The following DPP6 variants were observed in gnomAD, a reference collection of about 807,000 sequenced individuals.
DPP6 encodes A-type potassium channel modulatory protein DPP6.
A neutral mutation model predicts 122.6 loss-of-function variants in DPP6; 69 were observed. The ratio of observed to expected loss-of-function variants is 0.56; its 90% CI spans 0.46 to 0.69. The LOEUF (loss-of-function observed/expected upper bound fraction) is 0.69, where lower values mean the gene tolerates loss of function less well. Among genes scored for constraint, DPP6 ranks in the 30% least tolerant of loss-of-function variants. The pLI, the probability that DPP6 is intolerant of heterozygous loss-of-function variation, is 0.00. For missense variants in DPP6, 928 were observed against 1,116.9 expected (o/e 0.83, Z 2.41); for synonymous variants, 418 against 433.1 (o/e 0.97, Z 0.43).
intron 5 of DPP6, among the ~76,000 whole-genome samples, chr7:154,614,462 G>A (rs115817501): frequency 0.015 from 2,278 of 152,232 alleles, 58 homozygotes; most frequent in African/African-American, 0.052. Flanking sequence ...AAATGGAAAG[G>A]TCTCAATCTG....
chr7:154,462,755 C>T (rs891298030), intron 2 of DPP6, among the ~76,000 whole-genome samples: 2 of 151,316 alleles, frequency 1.3e-5, no homozygotes, highest in Non-Finnish European at 2.9e-5. Context: ...ACCCATCAAC[C>T]CGTCATTTAG....
Position 154,812,590 on chromosome 7 carries a change from A to G in DPP6, c.1666+5478A>G, listed in dbSNP as rs557544809. Reference sequence around the variant, plus strand: ...TGACAGAGCTCTCTGGGGCCTCATTATAAGTGCACTAATGCCATTCCCAAG... The same window carrying G: ...TGACAGAGCTCTCTGGGGCCTCATTGTAAGTGCACTAATGCCATTCCCAAG... On this transcript the variant is annotated intron_variant, in intron 16 of 25. Transcript: ENST00000377770. Among the ~76,000 whole-genome samples the G allele has an allele frequency of 1.4e-4, 22 of 152,146 alleles. No individual in the cohort carries two copies. In the East Asian group the frequency reaches 3.9e-3, roughly 27 times the overall value.
rs73487804 is a variant in DPP6, at chr7:154,863,905, C to T, written c.1715-4090C>T. Among the ~76,000 whole-genome samples, 2,232 of 152,204 alleles carry T rather than the reference C, an allele frequency of 0.015. 60 individuals carry two copies. Among genetic ancestry groups the T allele is most frequent in the African/African-American group, 0.052 (2,143 of 41,512 alleles). ...GGGCTCTGGGCCTGAATCTGGTCTT[C>T]GAATATGACTAATGGCCTAGCCCTG... On this transcript the variant is annotated intron_variant, in intron 17 of 25. Coordinates refer to ENST00000377770, the MANE Select transcript of DPP6 (RefSeq NM_130797.4). This position sits in a 1 kb window ranked among gnomAD's most constrained non-coding sequence, Gnocchi z 4.1.
At chr7:154,622,562 C>G (rs749143137) in intron 5 of DPP6, among the ~76,000 whole-genome samples, 4 of 152,118 alleles carry the variant, frequency 2.6e-5, no homozygotes, top group Non-Finnish European at 5.9e-5. Flanking sequence ...AAGAGGTAGC[C>G]AAGGAGACAG....
chr7:154,837,374 TCACACATGCACG>T (rs559775326), intron 16 of DPP6, among the ~76,000 whole-genome samples: 3 of 152,006 alleles, frequency 2.0e-5, no homozygotes, highest in Non-Finnish European at 2.9e-5. Flanking sequence ...ACAGGCACAT[TCACACATGCACG>T]CACACATGCA....
Position 154,486,723 on chromosome 7 carries a change from G to C in DPP6, c.457+11686G>C, listed in dbSNP as rs951065953. On this transcript the variant is annotated intron_variant, in intron 3 of 25. Coordinates refer to ENST00000377770, the MANE Select transcript of DPP6 (RefSeq NM_130797.4). This position sits in a 1 kb window ranked among gnomAD's most constrained non-coding sequence, Gnocchi z 4.5. Reference sequence around the variant, plus strand: ...TTGGGGATGCAGCCCACTTCGCAGAGGCTGGATGCACTTCCTCCGTCTGAA... The same window carrying C: ...TTGGGGATGCAGCCCACTTCGCAGACGCTGGATGCACTTCCTCCGTCTGAA... Among the ~76,000 whole-genome samples, 4 of 152,208 alleles carry C rather than the reference G, an allele frequency of 2.6e-5. No individual in the cohort carries two copies. The highest frequency in any genetic ancestry group is 9.6e-5 in the African/African-American group (4 of 41,460).
chr7:154,024,683 A>T (rs577334085), intron 1 of DPP6, among the ~76,000 whole-genome samples: 1 of 152,250 alleles, frequency 6.6e-6, no homozygotes, highest in African/African-American at 2.4e-5. Context: ...GCATAATGTA[A>T]TTCTTGTTTA....
intron 10 of DPP6, among the ~76,000 whole-genome samples, chr7:154,786,811 C>G (rs1797366945): frequency 6.6e-6 from 1 of 152,088 alleles, no homozygotes; most frequent in Admixed American, 6.5e-5. Context: ...TTTCACTTAT[C>G]ACCGTTTCAT....
At chr7:154,748,535 T>A (rs1843145986) in intron 8 of DPP6, among the ~76,000 whole-genome samples, 1 of 152,166 alleles carries the variant, frequency 6.6e-6, no homozygotes, top group African/African-American at 2.4e-5. Flanking sequence ...AATGGCTTAG[T>A]AATAATGAGA....
the DPP6 span, among the ~76,000 whole-genome samples, chr7:153,785,995 T>TAC: frequency 3.3e-5 from 5 of 152,166 alleles, no homozygotes; most frequent in Non-Finnish European, 7.4e-5. Context: ...AAATATTTGT[T>TAC]ATTTCAAATG....
In DPP6 at chr7:154,648,117, G is replaced by T. The variant is rs28430433; in HGVS notation, c.680+10244G>T. Among the ~76,000 whole-genome samples the T allele has an allele frequency of 2.7e-3, 415 of 151,300 alleles. 2 individuals are homozygous for T. Among genetic ancestry groups the T allele is most frequent in the Non-Finnish European group, 4.4e-3 (299 of 67,848 alleles). On this transcript the variant is annotated intron_variant, in intron 6 of 25. Coordinates refer to ENST00000377770, the MANE Select transcript of DPP6 (RefSeq NM_130797.4). ...ATTAAAAAAAAAAAAAAAATTAGCC[G>T]GGCATGGTGGTGGGTGCCTGTAATC... is the stretch of plus-strand genomic sequence containing the variant.
the DPP6 span, among the ~76,000 whole-genome samples, chr7:153,840,378 T>A: frequency 6.6e-6 from 1 of 152,160 alleles, no homozygotes; most frequent in Non-Finnish European, 1.5e-5. Flanking sequence ...CTAGTAAAAA[T>A]TCTTACTCTT....
intron 1 of DPP6, among the ~76,000 whole-genome samples, chr7:154,091,866 CCAAAG>C (rs1450713708): frequency 6.6e-6 from 1 of 152,148 alleles, no homozygotes; most frequent in African/African-American, 2.4e-5. Flanking sequence ...TATAAACTGT[CCAAAG>C]CAAGGTTCAG....
intron 1 of DPP6, among the ~76,000 whole-genome samples, chr7:154,102,377 T>C (rs1236828832): frequency 6.6e-6 from 1 of 152,082 alleles, no homozygotes; most frequent in Non-Finnish European, 1.5e-5. Flanking sequence ...TTTGTAGACA[T>C]GGGGTTTCAC....
intron 6 of DPP6, among the ~76,000 whole-genome samples, chr7:154,658,466 G>A (rs538447663): frequency 1.2e-4 from 18 of 152,216 alleles, no homozygotes; most frequent in Non-Finnish European, 2.2e-4. Flanking sequence ...AGTGCTGGCC[G>A]AGACGGAAAG....
chr7:153,804,490 A>G, the DPP6 span, among the ~76,000 whole-genome samples: 1 of 152,186 alleles, frequency 6.6e-6, no homozygotes, highest in Non-Finnish European at 1.5e-5. Flanking sequence ...GGGAAAGGTG[A>G]TGATATTGTT....
chr7:153,920,438 G>C (rs1563008215), intron 1 of DPP6, among the ~76,000 whole-genome samples: 1 of 152,080 alleles, frequency 6.6e-6, no homozygotes, highest in Non-Finnish European at 1.5e-5. Flanking sequence ...AGAAAGACAA[G>C]AGGCCTCAAA....
chr7:154,351,386 A>G (rs1327873438), intron 1 of DPP6, among the ~76,000 whole-genome samples: 1 of 152,160 alleles, frequency 6.6e-6, no homozygotes, highest in Non-Finnish European at 1.5e-5. Context: ...GGGTGGAAAC[A>G]GTGGGGAGGC....
intron 7 of DPP6, among the ~76,000 whole-genome samples, chr7:154,675,481 T>C (rs1427642104): frequency 1.3e-5 from 2 of 152,194 alleles, no homozygotes; most frequent in East Asian, 1.9e-4. Flanking sequence ...CTCTCTGGAA[T>C]GGCACATGTG....
Sources: gnomAD v4.1 joint callset for allele counts (sites outside exome capture counted in the v4.1 genomes callset) on GRCh38, gnomAD v4.1.1 for gene constraint, Gnocchi (gnomAD v3.1) non-coding constraint, MANE v1.5 for transcripts, NCBI Gene and HGNC (gene_info 2026-07-23, HGNC 2026-07-21) for gene names.